Variants in GLI2 observed in about 807,000 individuals in gnomAD.
GLI2 encodes the protein transcription activator GLI2.
Under a neutral mutation model 78.9 loss-of-function variants are expected in GLI2, and 22 were observed. That is an observed-to-expected ratio of 0.28 (90% CI 0.20 to 0.40). The LOEUF is 0.40. Among genes scored for constraint, GLI2 ranks in the 10% least tolerant of loss-of-function variants. The pLI is 1.00. For synonymous variants in GLI2, 974 were observed against 963.7 expected (o/e 1.01, Z -0.20); for missense variants, 2,097 against 2,213.2 (o/e 0.95, Z 1.05).
intron 2 of GLI2, among the ~76,000 whole-genome samples, chr2:120,887,617 G>A (rs1443217539): frequency 6.6e-6 from 1 of 152,222 alleles, no homozygotes; most frequent in Non-Finnish European, 1.5e-5. Flanking sequence ...GGTATTTAGT[G>A]GGATATGTAC....
At chr2:120,894,993 G>A (rs1267995741) in intron 2 of GLI2, among the ~76,000 whole-genome samples, 5 of 152,164 alleles carry the variant, frequency 3.3e-5, no homozygotes, top group Non-Finnish European at 5.9e-5. Flanking sequence ...CACTGTACCC[G>A]GCCCAGTATG....
intron 10 of GLI2, among the ~76,000 whole-genome samples, chr2:120,981,417 C>G (rs1006949780): frequency 6.6e-6 from 1 of 152,190 alleles, no homozygotes; most frequent in African/African-American, 2.4e-5. Context: ...GTCTTTATTA[C>G]TGTCAATTTG....
In GLI2 at chr2:120,989,019, G is replaced by C. The variant is rs1263073060; in HGVS notation, c.3054G>C (p.Val1018=). The C allele has an allele frequency of 5.6e-6, 9 of 1,603,126 alleles. No individual in the cohort carries two copies. Among genetic ancestry groups the C allele is most frequent in the Non-Finnish European group, 2.5e-6 (3 of 1,178,122 alleles). ...SPRPPSISEN[V]AMEAVAAGVD... ...GGCCGCCTAGCATCAGCGAGAACGT[G>C]GCGATGGAGGCCGTGGCGGCAGGAG... The change falls in exon 14 of 14, where the codon GTG becomes GTC. Residue 1018 remains valine (V), a synonymous_variant. Coordinates refer to ENST00000361492, the MANE Select transcript of GLI2 (RefSeq NM_001374353.1).
chr2:120,779,394 G>A (rs1173548142), intron 1 of GLI2, among the ~76,000 whole-genome samples: 6 of 152,198 alleles, frequency 3.9e-5, no homozygotes, highest in Non-Finnish European at 5.9e-5. Context: ...CCTGCAGTTC[G>A]TTCCTGGCCT....
chr2:120,802,153 G>C (rs1402068030), intron 2 of GLI2, among the ~76,000 whole-genome samples: 1 of 152,198 alleles, frequency 6.6e-6, no homozygotes, highest in African/African-American at 2.4e-5. Flanking sequence ...ACTGGCCTCT[G>C]TTGCCTGACT....
intron 1 of GLI2, among the ~76,000 whole-genome samples, chr2:120,742,760 AT>A (rs1187204611): frequency 6.6e-6 from 1 of 151,762 alleles, no homozygotes; most frequent in Non-Finnish European, 1.5e-5. Flanking sequence ...TGAGCTCATG[AT>A]TTCTTTTCAA....
chr2:120,970,072 C>T (rs1369357334), intron 6 of GLI2, among the ~76,000 whole-genome samples: 3 of 152,118 alleles, frequency 2.0e-5, no homozygotes, highest in Non-Finnish European at 4.4e-5. Flanking sequence ...CAGGGAGCAG[C>T]GATACAGACA....
In GLI2 at chr2:120,990,012, T is replaced by G; in HGVS notation, c.4047T>G (p.Phe1349Leu). The G allele has an allele frequency of 6.2e-7, 1 of 1,609,270 alleles. No individual in the cohort carries two copies. Among genetic ancestry groups the G allele is most frequent in the Non-Finnish European group, 8.5e-7 (1 of 1,178,154 alleles). ...TGPMGVATAGFGLVQPRPPLE... is the reference protein window; with the variant it reads ...TGPMGVATAGLGLVQPRPPLE... The stretch of plus-strand genomic sequence containing the variant: ...CGATGGGGGTGGCTACAGCAGGCTT[T>G]GGCCTAGTGCAGCCCCGGCCTCCCC... Residue 1349 changes from phenylalanine to leucine, a missense_variant, in exon 14 of 14, where the codon TTT becomes TTG. By Grantham distance (22) the Phe-to-Leu change is conservative. Coordinates refer to ENST00000361492, the MANE Select transcript of GLI2 (RefSeq NM_001374353.1).
chr2:120,893,325 C>T (rs1030270581), intron 2 of GLI2, among the ~76,000 whole-genome samples: 5 of 152,088 alleles, frequency 3.3e-5, no homozygotes, highest in African/African-American at 9.7e-5. Context: ...GGCCCCTGCC[C>T]GCCCCCCAGC....
intron 5 of GLI2, among the ~76,000 whole-genome samples, chr2:120,960,235 C>G (rs1046706652): frequency 6.6e-6 from 1 of 152,204 alleles, no homozygotes; most frequent in Non-Finnish European, 1.5e-5. Flanking sequence ...AATGCCTGTC[C>G]CGACCTGACG....
At chr2:120,950,975 G>A (rs765179548) in intron 3 of GLI2, among the ~76,000 whole-genome samples, 6 of 152,256 alleles carry the variant, frequency 3.9e-5, no homozygotes, top group Admixed American at 2.6e-4. Context: ...GTCCAGTCGC[G>A]GGTGCGAGGT....
chr2:120,824,797 C>A (rs989782136), intron 2 of GLI2, among the ~76,000 whole-genome samples: 1 of 152,180 alleles, frequency 6.6e-6, no homozygotes, highest in African/African-American at 2.4e-5. Context: ...CAGTGACACA[C>A]CTGACAAAGG....
rs1682330376 is a variant in GLI2 at position 120,735,869 on chromosome 2, C to CGCAGTCCGGCGGCGT, written c.-447_-446insGCAGTCCGGCGGCGT. Among the ~76,000 whole-genome samples, 3 of 151,858 alleles carry CGCAGTCCGGCGGCGT rather than the reference C, an allele frequency of 2.0e-5. No individual in the cohort carries two copies. The highest frequency in any genetic ancestry group is 2.0e-4 in the Admixed American group (3 of 15,262). On this transcript the variant is annotated 5_prime_UTR_variant, in exon 1 of 14. Transcript: ENST00000361492. ...GGGGGCGCTGCGCAGTCCGGCGGCG[C>CGCAGTCCGGCGGCGT]TGATGGATTGCAGAAGTGCCGGCGC... is the stretch of plus-strand genomic sequence containing the variant.
rs149406614 is a variant in GLI2 at position 120,956,462 on chromosome 2, C to T, written c.643+1032C>T. Among the ~76,000 whole-genome samples the T allele has an allele frequency of 4.9e-3, 739 of 152,250 alleles. 4 individuals carry two copies. Among genetic ancestry groups the T allele is most frequent in the African/African-American group, 0.016 (656 of 41,530 alleles). On this transcript the variant is annotated intron_variant, in intron 5 of 13. Coordinates refer to ENST00000361492, the MANE Select transcript of GLI2 (RefSeq NM_001374353.1). Reference sequence around the variant, plus strand: ...ACACCTGTGACCCTCTGACCATGAGCCTGCGGTCAGCAAGGAGCCCGTCTC... The same window carrying T: ...ACACCTGTGACCCTCTGACCATGAGTCTGCGGTCAGCAAGGAGCCCGTCTC...
At chr2:120,837,161 G>A (rs1209816882) in intron 2 of GLI2, among the ~76,000 whole-genome samples, 2 of 152,136 alleles carry the variant, frequency 1.3e-5, no homozygotes, top group African/African-American at 2.4e-5. Flanking sequence ...TTGGGAGGCC[G>A]AGGCGGGCGG....
chr2:120,916,896 G>A (rs1454095912), intron 2 of GLI2, among the ~76,000 whole-genome samples: 2 of 152,208 alleles, frequency 1.3e-5, no homozygotes, highest in Non-Finnish European at 2.9e-5. Context: ...CTGGATGGTT[G>A]AAGGAGGGAG....
Position 120,989,701 on chromosome 2 carries a change from C to T in GLI2, c.3736C>T (p.Leu1246Phe), listed in dbSNP as rs1683192021. The T allele has an allele frequency of 1.9e-6, 3 of 1,613,214 alleles. No individual in the cohort carries two copies. Among genetic ancestry groups the T allele is most frequent in the East Asian group, 2.2e-5 (1 of 44,892 alleles). Residue 1246 changes from leucine to phenylalanine, a missense_variant, in exon 14 of 14, where the codon CTC (leucine) becomes TTC (phenylalanine). Leu to Phe is a conservative substitution (Grantham distance 22, BLOSUM62 0). Around this residue, in one of 5 missense-constraint regions of GLI2, gnomAD observed 1,290 missense variants for 1,261.7 expected, o/e 1.02. Transcript: ENST00000361492. ...GAGCCCCAGCACCATCAGTGGGGCC[C>T]TCAACCAGTTCCCCCAATCCTGCAG... ...QLSPSTISGA[L>F]NQFPQSCSNM...
chr2:120,825,360 G>A (rs538043544), intron 2 of GLI2, among the ~76,000 whole-genome samples: 1 of 152,146 alleles, frequency 6.6e-6, no homozygotes, highest in Non-Finnish European at 1.5e-5. Flanking sequence ...GTGCTTGGCT[G>A]TGAGGAGTGT....
chr2:120,789,106 A>G (rs1233199625), intron 1 of GLI2, among the ~76,000 whole-genome samples: 3 of 139,558 alleles, frequency 2.1e-5, no homozygotes, highest in Admixed American at 1.6e-4. Context: ...ATCTCTGCTC[A>G]CTGCAACCTC....
Sources: allele counts gnomAD v4.1 joint callset (sites outside exome capture counted in the v4.1 genomes callset), GRCh38; gene constraint gnomAD v4.1.1; regional missense constraint gnomAD v4.1.1; transcripts MANE v1.5; gene names NCBI Gene and HGNC (gene_info 2026-07-23, HGNC 2026-07-21).